DGKB: variants seen among roughly 807,000 people sequenced by gnomAD.
DGKB encodes 90 kDa diacylglycerol kinase.
DGKB carries 67 observed loss-of-function variants against 114.3 expected under a neutral mutation model. The ratio of observed to expected loss-of-function variants is 0.59; its 90% CI spans 0.48 to 0.72. The LOEUF (loss-of-function observed/expected upper bound fraction) is 0.72. Among genes scored for constraint, DGKB ranks in the 30% least tolerant of loss-of-function variants. The pLI is 0.00. For missense variants in DGKB, 907 were observed against 975.2 expected, an observed-to-expected ratio of 0.93 and a Z score of 0.93; for synonymous variants, 398 against 323.1, an observed-to-expected ratio of 1.23 and a Z score of -2.49.
At chr7:14,573,013 T>A (rs1373754326) in intron 20 of DGKB, among the ~76,000 whole-genome samples, 2 of 152,114 alleles carry the variant, frequency 1.3e-5, no homozygotes, top group Non-Finnish European at 2.9e-5. Flanking sequence ...AAAATGGGCA[T>A]GAGGGTTCTG....
At chr7:14,957,996 T>C (rs1177575024) in intron 1 of DGKB, among the ~76,000 whole-genome samples, 1 of 152,086 alleles carries the variant, frequency 6.6e-6, no homozygotes. Context: ...ACTTGATAAA[T>C]ATTGTGTTTA....
chr7:14,795,752 T>C (rs1437203220), intron 2 of DGKB, among the ~76,000 whole-genome samples: 3 of 152,118 alleles, frequency 2.0e-5, no homozygotes, highest in African/African-American at 7.2e-5. Context: ...TCTGATATGT[T>C]GACCTATGGA....
chr7:14,473,652 G>A lies in DGKB; in HGVS notation c.1835+4509C>T, dbSNP rs114847351. Among the ~76,000 whole-genome samples the A allele has an allele frequency of 5.2e-3, 791 of 152,246 alleles. 7 individuals are homozygous for A. The highest frequency in any genetic ancestry group is 0.018 in the African/African-American group (742 of 41,558). ...AGCCCCAGACACTCAATGCCAGCCC[G>A]TGAAAGCAGCCAGGATGGGGGACTA... is the stretch of plus-strand genomic sequence containing the variant. On this transcript the variant is annotated intron_variant, in intron 21 of 25. Coordinates refer to ENST00000402815, the MANE Select transcript of DGKB (RefSeq NM_001350709.2).
chr7:14,637,404 TTAAGA>T (rs1363365269), intron 13 of DGKB, among the ~76,000 whole-genome samples: 1 of 151,890 alleles, frequency 6.6e-6, no homozygotes, highest in Non-Finnish European at 1.5e-5. Context: ...TGCATGAGTA[TTAAGA>T]TAAACTAGGC....
chr7:14,637,033 C>T (rs1810878616), intron 13 of DGKB, among the ~76,000 whole-genome samples: 2 of 151,854 alleles, frequency 1.3e-5, no homozygotes, highest in Non-Finnish European at 1.5e-5. Context: ...AGCTGAGGGA[C>T]ACATGATACA....
At chr7:14,290,241 TA>T (rs1801551266) in intron 23 of DGKB, among the ~76,000 whole-genome samples, 1 of 152,232 alleles carries the variant, frequency 6.6e-6, no homozygotes, top group African/African-American at 2.4e-5. Flanking sequence ...AACAAAAGAG[TA>T]AAAATAACAT....
chr7:14,970,458 A>G (rs1787394242), intron 1 of DGKB, among the ~76,000 whole-genome samples: 1 of 152,160 alleles, frequency 6.6e-6, no homozygotes, highest in South Asian at 2.1e-4. Flanking sequence ...CAAATAAAGT[A>G]AAAATTAAAA....
At chr7:14,211,289 ATGTGATATTTACTCTCATGTTT>A (rs1369032138) in intron 23 of DGKB, among the ~76,000 whole-genome samples, 20 of 107,092 alleles carry the variant, frequency 1.9e-4, no homozygotes, top group African/African-American at 5.3e-4. Context: ...AGCCTCTACT[ATGTGATATTTACTCTCATGTTT>A]TGTGATATTT....
At chr7:14,157,563 GA>G (rs1232445481) in intron 25 of DGKB, among the ~76,000 whole-genome samples, 2 of 152,048 alleles carry the variant, frequency 1.3e-5, no homozygotes, top group African/African-American at 4.8e-5. Context: ...AATATGTATG[GA>G]AAAGAGAACA....
At position 14,565,036 on chromosome 7, in the gene DGKB, T is replaced by G. The variant is rs78234182; in HGVS notation, c.1770+9176A>C. ...AATGTCCCCTTGCAATGTAACTGTC[T>G]TCCGTCAAGAGGTAGATTCTATATC... is the stretch of plus-strand genomic sequence containing the variant. On this transcript the variant is annotated intron_variant, in intron 20 of 25. Transcript: ENST00000402815. Among the ~76,000 whole-genome samples, 377 of 152,322 alleles carry G rather than the reference T, an allele frequency of 2.5e-3. 1 individual carries two copies. The highest frequency in any genetic ancestry group is 8.5e-3 in the African/African-American group (354 of 41,568).
intron 20 of DGKB, among the ~76,000 whole-genome samples, chr7:14,532,944 A>T (rs1202970440): frequency 6.6e-6 from 1 of 151,810 alleles, no homozygotes; most frequent in Non-Finnish European, 1.5e-5. Context: ...AAATGGGCAG[A>T]CACCATTGCA....
intron 1 of DGKB, among the ~76,000 whole-genome samples, chr7:14,921,943 A>T (rs1281742467): frequency 1.3e-5 from 2 of 152,184 alleles, no homozygotes; most frequent in African/African-American, 2.4e-5. Flanking sequence ...CTGTGTTCTG[A>T]TTAGGAGGTA....
At chr7:14,472,069 G>T (rs565812328) in intron 21 of DGKB, among the ~76,000 whole-genome samples, 1 of 152,230 alleles carries the variant, frequency 6.6e-6, no homozygotes, top group African/African-American at 2.4e-5. Context: ...ACTTCTTTTA[G>T]TTTATTCTAG....
intron 23 of DGKB, among the ~76,000 whole-genome samples, chr7:14,244,903 G>A (rs1276815154): frequency 6.6e-6 from 1 of 151,958 alleles, no homozygotes; most frequent in African/African-American, 2.4e-5. Flanking sequence ...TCTGTTATCT[G>A]TAAGCCACCC....
At chr7:14,458,891 G>T (rs545036895) in intron 21 of DGKB, among the ~76,000 whole-genome samples, 5 of 152,316 alleles carry the variant, frequency 3.3e-5, no homozygotes, top group African/African-American at 9.6e-5. Context: ...AAGCCAGGGA[G>T]CCAAGTGGTT....
intron 1 of DGKB, among the ~76,000 whole-genome samples, chr7:14,926,247 T>C (rs1214186361): frequency 2.0e-5 from 3 of 152,124 alleles, no homozygotes; most frequent in Non-Finnish European, 4.4e-5. Context: ...GAAATTATTA[T>C]GGCTGCTTTA....
At position 14,290,278 on chromosome 7, in the gene DGKB, T is replaced by C. The variant is rs547542990; in HGVS notation, c.2122+48237A>G. Among the ~76,000 whole-genome samples, 191 of 152,286 alleles carry C rather than the reference T, an allele frequency of 1.3e-3. 1 individual carries two copies. Among genetic ancestry groups the C allele is most frequent in the Non-Finnish European group, 1.7e-3 (118 of 68,022 alleles). ...TTCTTATCCCTCTTGATGAAAGACA[T>C]ATAATTGAATTCCAGAGAATGACTG... is the stretch of plus-strand genomic sequence containing the variant. On this transcript the variant is annotated intron_variant, in intron 23 of 25. Transcript: ENST00000402815.
At chr7:14,560,423 C>T (rs1386622808) in intron 20 of DGKB, among the ~76,000 whole-genome samples, 2 of 152,084 alleles carry the variant, frequency 1.3e-5, no homozygotes, top group Non-Finnish European at 2.9e-5. Flanking sequence ...TGAATTTGAC[C>T]ATTTTATATA....
chr7:14,465,426 T>C (rs4721337), intron 21 of DGKB, among the ~76,000 whole-genome samples: 55,973 of 151,590 alleles, frequency 0.37, 10,649 homozygotes, highest in Admixed American at 0.47. Context: ...AGAGTCAGAA[T>C]GTCCTGGGAA....
Sources: gnomAD v4.1 joint callset for allele counts (sites outside exome capture counted in the v4.1 genomes callset) on GRCh38, gnomAD v4.1.1 for gene constraint, MANE v1.5 for transcripts, NCBI Gene and HGNC (gene_info 2026-07-23, HGNC 2026-07-21) for gene names.